The following CSMD1 variants were observed in gnomAD, a reference collection of about 807,000 sequenced individuals.
The protein encoded by CSMD1 is CUB and Sushi multiple domains 1, also known as CUB and sushi domain-containing protein 1.
CSMD1 carries 213 observed loss-of-function variants against 417.5 expected under a neutral mutation model. The observed-to-expected ratio is 0.51, with a 90% confidence interval of 0.46 to 0.57. CSMD1 has a LOEUF of 0.57. Ranked by LOEUF, CSMD1 falls within the 20% of genes least tolerant of loss-of-function variation. The probability of loss-of-function intolerance (pLI) is 0.00; values close to 1 mark genes in which losing one functional copy is unlikely to be tolerated. For missense variants in CSMD1, 6,923 were observed against 4,529.7 expected, an observed-to-expected ratio of 1.53 and a Z score of -15.17; for synonymous variants, 2,862 against 1,736.8, an observed-to-expected ratio of 1.65 and a Z score of -16.11.
chr8:4,227,612 TTCAG>T (rs1377497072), intron 3 of CSMD1, among the ~76,000 whole-genome samples: 6 of 152,004 alleles, frequency 3.9e-5, no homozygotes, highest in South Asian at 2.1e-4. Flanking sequence ...TCCCTGCACA[TTCAG>T]TCAGACACTC....
At chr8:4,193,486 A>G (rs1190657088) in intron 3 of CSMD1, among the ~76,000 whole-genome samples, 1 of 152,112 alleles carries the variant, frequency 6.6e-6, no homozygotes, top group Non-Finnish European at 1.5e-5. Flanking sequence ...GACATTAGGG[A>G]AGGTGACGAT....
At chr8:4,907,345 G>A (rs754571452) in intron 1 of CSMD1, among the ~76,000 whole-genome samples, 1 of 152,074 alleles carries the variant, frequency 6.6e-6, no homozygotes, top group African/African-American at 2.4e-5. Flanking sequence ...AGACAAAACG[G>A]CAAAAAGCTT....
At chr8:4,458,165 G>A (rs1252117587) in intron 2 of CSMD1, among the ~76,000 whole-genome samples, 1 of 152,084 alleles carries the variant, frequency 6.6e-6, no homozygotes, top group Non-Finnish European at 1.5e-5. Context: ...AGTGGATGCT[G>A]ATTAATATAC....
intron 2 of CSMD1, among the ~76,000 whole-genome samples, chr8:4,525,005 T>C (rs924333778): frequency 6.6e-6 from 1 of 152,114 alleles, no homozygotes. Context: ...TTGTGCAAAA[T>C]AATTGCAGTT....
At chr8:3,734,421 A>G (rs1007750099) in intron 6 of CSMD1, among the ~76,000 whole-genome samples, 1 of 152,208 alleles carries the variant, frequency 6.6e-6, no homozygotes, top group African/African-American at 2.4e-5. Context: ...TTTAAAATAC[A>G]GAAACTCTGC....
intron 23 of CSMD1, among the ~76,000 whole-genome samples, chr8:3,314,703 G>T (rs924735): frequency 0.9 from 137,697 of 152,280 alleles, 62,560 homozygotes; most frequent in Middle Eastern, 0.96. Flanking sequence ...CTCCATATAT[G>T]TTGCATGAAT....
intron 5 of CSMD1, among the ~76,000 whole-genome samples, chr8:3,837,019 C>T (rs1392830704): frequency 6.6e-6 from 1 of 151,598 alleles, no homozygotes; most frequent in Non-Finnish European, 1.5e-5. Context: ...AAGTTACTCC[C>T]TTCTTGGTGG....
intron 7 of CSMD1, among the ~76,000 whole-genome samples, chr8:3,618,130 T>C (rs549880234): frequency 2.6e-5 from 4 of 152,078 alleles, no homozygotes; most frequent in East Asian, 1.9e-4. Flanking sequence ...GCCTCCCTAA[T>C]AGCTGGTAAC....
intron 1 of CSMD1, among the ~76,000 whole-genome samples, chr8:4,978,142 C>T (rs1810671807): frequency 6.6e-6 from 1 of 152,124 alleles, no homozygotes; most frequent in Non-Finnish European, 1.5e-5. Flanking sequence ...TCACGTGGCC[C>T]TGGAAGAAAC....
rs999296650 is a variant in CSMD1, at chr8:4,184,808, T to C, written c.416-152709A>G. On this transcript the variant is annotated intron_variant, in intron 3 of 69. Coordinates refer to ENST00000635120, the MANE Select transcript of CSMD1 (RefSeq NM_033225.6). ...AACCTGTGACACAGGTTTACTTATA[T>C]AGGAAACATGCACATGTACCCCTGA... 5.9e-5 allele frequency among the ~76,000 whole-genome samples: 9 copies of C among 151,906 alleles called. No individual in the cohort carries two copies. In the East Asian group the frequency reaches 7.8e-4, roughly 13 times the overall value.
At chr8:4,068,837 T>C (rs939648546) in intron 3 of CSMD1, among the ~76,000 whole-genome samples, 4 of 152,226 alleles carry the variant, frequency 2.6e-5, no homozygotes, top group African/African-American at 7.2e-5. Flanking sequence ...ATTCATGTAC[T>C]GTATCAAAAT....
intron 49 of CSMD1, among the ~76,000 whole-genome samples, chr8:3,079,968 T>A (rs1211549966): frequency 6.6e-6 from 1 of 152,248 alleles, no homozygotes. Flanking sequence ...TATAGGCAGC[T>A]ATCTCTATCT....
intron 3 of CSMD1, among the ~76,000 whole-genome samples, chr8:4,211,985 C>G (rs1452097273): frequency 6.6e-6 from 1 of 152,046 alleles, no homozygotes; most frequent in Non-Finnish European, 1.5e-5. Context: ...AGTATGTCTT[C>G]TGTTATAAAA....
intron 15 of CSMD1, among the ~76,000 whole-genome samples, chr8:3,404,487 C>A (rs1812231044): frequency 6.6e-6 from 1 of 152,080 alleles, no homozygotes; most frequent in Admixed American, 6.5e-5. Flanking sequence ...CACACCTAGA[C>A]CCCAGCTCTG....
intron 28 of CSMD1, among the ~76,000 whole-genome samples, chr8:3,222,868 T>C (rs1427190564): frequency 6.6e-6 from 1 of 152,152 alleles, no homozygotes; most frequent in African/African-American, 2.4e-5. Flanking sequence ...TCAGATCTCA[T>C]CAGGAGGAGA....
chr8:4,451,713 T>A lies in CSMD1; in HGVS notation c.303-31648A>T, dbSNP rs558239814. On this transcript the variant is annotated intron_variant, in intron 2 of 69. Coordinates refer to ENST00000635120, the MANE Select transcript of CSMD1 (RefSeq NM_033225.6). ...TATCAGTTCTTCCAGGCAAAGCTTT[T>A]TAAAATTAAAACAAATTACAACAAC... Among the ~76,000 whole-genome samples, 27 of 152,190 alleles carry A rather than the reference T, an allele frequency of 1.8e-4. No individual in the cohort carries two copies. In the East Asian group the frequency reaches 3.5e-3, roughly 20 times the overall value.
intron 3 of CSMD1, among the ~76,000 whole-genome samples, chr8:4,260,578 G>A (rs1051519506): frequency 6.6e-6 from 1 of 152,112 alleles, no homozygotes. Flanking sequence ...AGAAAAGTTT[G>A]TAATATTGTT....
chr8:3,493,483 T>C, intron 11 of CSMD1, 140 bp downstream of exon 11: 2 of 604,386 alleles, frequency 3.3e-6, no homozygotes, highest in South Asian at 4.3e-5. Flanking sequence ...AAAATGAGAT[T>C]GCAGGCCACT....
intron 1 of CSMD1, among the ~76,000 whole-genome samples, chr8:4,864,204 T>G (rs939076233): frequency 2.6e-5 from 4 of 151,980 alleles, no homozygotes; most frequent in African/African-American, 9.7e-5. Context: ...CAAAACAGAC[T>G]GAATTTCAAG....
Sources: gnomAD v4.1 joint callset for allele counts (sites outside exome capture counted in the v4.1 genomes callset) on GRCh38, gnomAD v4.1.1 for gene constraint, MANE v1.5 for transcripts, NCBI Gene and HGNC (gene_info 2026-07-23, HGNC 2026-07-21) for gene names.